Variants in SYNDIG1 observed in about 807,000 individuals in gnomAD.
SYNDIG1 encodes synapse differentiation inducing 1, also known as synapse differentiation-inducing gene protein 1.
A neutral mutation model predicts 19.4 loss-of-function variants in SYNDIG1; 9 were observed. That is an observed-to-expected ratio of 0.46 (90% CI 0.28 to 0.81). The LOEUF (loss-of-function observed/expected upper bound fraction) is 0.81. Ranked by LOEUF, SYNDIG1 falls within the 30% of genes least tolerant of loss-of-function variation. The probability of loss-of-function intolerance (pLI) is 0.12; values close to 1 mark genes in which losing one functional copy is unlikely to be tolerated. For missense variants in SYNDIG1, 311 were observed against 343.3 expected, an observed-to-expected ratio of 0.91 and a Z score of 0.74; for synonymous variants, 141 against 145.9, an observed-to-expected ratio of 0.97 and a Z score of 0.24.
chr20:24,640,575 A>G (rs976440206), intron 3 of SYNDIG1, among the ~76,000 whole-genome samples: 1 of 151,952 alleles, frequency 6.6e-6, no homozygotes. Flanking sequence ...ATGGTTATCT[A>G]GTGGCCCCAG....
intron 1 of SYNDIG1, among the ~76,000 whole-genome samples, chr20:24,539,497 C>T (rs1024712365): frequency 3.4e-4 from 52 of 152,120 alleles, no homozygotes; most frequent in Non-Finnish European, 5.9e-4. Flanking sequence ...GATTCTAGTG[C>T]CATTGTAGTA....
intron 3 of SYNDIG1, 48 bp from the exon 4 acceptor site, chr20:24,665,298 G>C (rs775273200): frequency 2.6e-6 from 4 of 1,564,720 alleles, no homozygotes; most frequent in Non-Finnish European, 3.5e-6. Context: ...CTCACTGCTT[G>C]TTCCGACTTG....
chr20:24,472,351 A>G (rs1353355631), intron 1 of SYNDIG1, among the ~76,000 whole-genome samples: 1 of 152,212 alleles, frequency 6.6e-6, no homozygotes, highest in Non-Finnish European at 1.5e-5. Flanking sequence ...ATTTTTTTTG[A>G]TAAAAACTTT....
At chr20:24,607,521 G>C (rs1310116147) in intron 3 of SYNDIG1, among the ~76,000 whole-genome samples, 2 of 152,134 alleles carry the variant, frequency 1.3e-5, no homozygotes, top group African/African-American at 4.8e-5. Context: ...GAAGAGCCTC[G>C]GCCCATGACG....
chr20:24,504,159 C>T (rs867289472), intron 1 of SYNDIG1, among the ~76,000 whole-genome samples: 53 of 152,224 alleles, frequency 3.5e-4, no homozygotes, highest in Non-Finnish European at 3.5e-4. Flanking sequence ...AGGGCTTCAC[C>T]GTGTTAGCCA....
chr20:24,499,301 A>G (rs997931769), intron 1 of SYNDIG1, among the ~76,000 whole-genome samples: 2 of 152,242 alleles, frequency 1.3e-5, no homozygotes, highest in African/African-American at 4.8e-5. Flanking sequence ...GTGGGGTTAC[A>G]GGCGTGAGCC....
chr20:24,559,579 T>C (rs2057895696), intron 2 of SYNDIG1, among the ~76,000 whole-genome samples: 1 of 152,206 alleles, frequency 6.6e-6, no homozygotes, highest in East Asian at 1.9e-4. Flanking sequence ...GCTCTCCGTC[T>C]TTTCCTGTGA....
intron 3 of SYNDIG1, among the ~76,000 whole-genome samples, chr20:24,587,467 G>A (rs1054842913): frequency 1.1e-4 from 16 of 152,208 alleles, no homozygotes; most frequent in Admixed American, 4.6e-4. Context: ...TGCACAGGAC[G>A]CCTCAGCCGG....
chr20:24,522,381 G>C (rs2057023975), intron 1 of SYNDIG1, among the ~76,000 whole-genome samples: 1 of 152,128 alleles, frequency 6.6e-6, no homozygotes, highest in Non-Finnish European at 1.5e-5. Flanking sequence ...ATGAGCCCAT[G>C]TACCTGGCCG....
intron 3 of SYNDIG1, among the ~76,000 whole-genome samples, chr20:24,605,446 G>C (rs2058743545): frequency 6.6e-6 from 1 of 152,158 alleles, no homozygotes; most frequent in South Asian, 2.1e-4. Context: ...CCCCCAGTCT[G>C]TATCTCTGTC....
At chr20:24,512,172 G>A (rs990944558) in intron 1 of SYNDIG1, among the ~76,000 whole-genome samples, 2 of 133,506 alleles carry the variant, frequency 1.5e-5, no homozygotes, top group African/African-American at 5.8e-5. Flanking sequence ...TTCCAAGATG[G>A]CCGAATAGGA....
At chr20:24,633,123 C>A (rs1195122009) in intron 3 of SYNDIG1, among the ~76,000 whole-genome samples, 1 of 152,166 alleles carries the variant, frequency 6.6e-6, no homozygotes. Flanking sequence ...ACGTGGCTTG[C>A]TGCAGCAAGC....
intron 3 of SYNDIG1, among the ~76,000 whole-genome samples, chr20:24,646,374 G>A (rs973677118): frequency 6.6e-6 from 1 of 152,166 alleles, no homozygotes; most frequent in African/African-American, 2.4e-5. Flanking sequence ...ATTGGGAGAT[G>A]GGGCCTGGTG....
Position 24,656,060 on chromosome 20 carries a change from A to C in SYNDIG1, c.619-9286A>C, listed in dbSNP as rs114631512. ...GCTGTTGTAATTCAGCAAAGTGGGC[A>C]CCGCTGAGGATGAGGGACAGTGAGG... On this transcript the variant is annotated intron_variant, in intron 3 of 3. Transcript: ENST00000376862. Among the ~76,000 whole-genome samples, 359 of 152,296 alleles carry C rather than the reference A, an allele frequency of 2.4e-3. 4 individuals carry two copies. Among genetic ancestry groups the C allele is most frequent in the African/African-American group, 8.3e-3 (346 of 41,570 alleles).
At chr20:24,649,173 A>G (rs1956172580) in intron 3 of SYNDIG1, among the ~76,000 whole-genome samples, 1 of 152,208 alleles carries the variant, frequency 6.6e-6, no homozygotes, top group South Asian at 2.1e-4. Context: ...ATCAGGAGAC[A>G]TCCTGTTGAG....
intron 1 of SYNDIG1, among the ~76,000 whole-genome samples, chr20:24,484,608 A>G (rs1451233134): frequency 6.6e-6 from 1 of 152,140 alleles, no homozygotes; most frequent in Non-Finnish European, 1.5e-5. Context: ...ATATCCAGGA[A>G]TAGATGTGGG....
chr20:24,524,959 A>G (rs1306221938), intron 1 of SYNDIG1, among the ~76,000 whole-genome samples: 1 of 152,002 alleles, frequency 6.6e-6, no homozygotes, highest in Non-Finnish European at 1.5e-5. Context: ...CTTTATTATT[A>G]TTATTTTGGT....
chr20:24,572,455 T>C (rs1297886195), intron 2 of SYNDIG1, among the ~76,000 whole-genome samples: 1 of 152,120 alleles, frequency 6.6e-6, no homozygotes, highest in Non-Finnish European at 1.5e-5. Context: ...GAGATGCAGA[T>C]TTAAGGCTCT....
chr20:24,663,812 T>C (rs2059625191), intron 3 of SYNDIG1, among the ~76,000 whole-genome samples: 1 of 152,110 alleles, frequency 6.6e-6, no homozygotes. Flanking sequence ...AGGCTGGTGA[T>C]CATGGCGGGG....
Sources: allele counts gnomAD v4.1 joint callset (sites outside exome capture counted in the v4.1 genomes callset), GRCh38; gene constraint gnomAD v4.1.1; transcripts MANE v1.5; gene names NCBI Gene and HGNC (gene_info 2026-07-23, HGNC 2026-07-21).